The following GALNT13 variants were observed in gnomAD, a reference collection of about 807,000 sequenced individuals.
GALNT13 encodes UDP-GalNAc:polypeptide N-acetylgalactosaminyltransferase 13.
Under a neutral mutation model 64.2 loss-of-function variants are expected in GALNT13, and 28 were observed. The ratio of observed to expected loss-of-function variants is 0.44; its 90% CI spans 0.32 to 0.60. The LOEUF is 0.60. GALNT13 is among the 20% of genes least tolerant of loss of function. The pLI is 0.05. For missense variants in GALNT13, 577 were observed against 669.8 expected (o/e 0.86, Z 1.53); for synonymous variants, 214 against 224.6 (o/e 0.95, Z 0.42).
At chr2:154,245,127 A>ATAAC (rs1553502315) in intron 6 of GALNT13, among the ~76,000 whole-genome samples, 5 of 151,160 alleles carry the variant, frequency 3.3e-5, no homozygotes, top group Non-Finnish European at 7.4e-5. Context: ...AAATAAATAA[A>ATAAC]TAAATAAATA....
At chr2:154,257,099 T>C (rs557949335) in intron 7 of GALNT13, among the ~76,000 whole-genome samples, 1 of 152,286 alleles carries the variant, frequency 6.6e-6, no homozygotes, top group Non-Finnish European at 1.5e-5. Context: ...CAGGAGTATC[T>C]GTCTTCAGAA....
the GALNT13 span, among the ~76,000 whole-genome samples, chr2:153,275,636 CAT>C: frequency 6.7e-6 from 1 of 149,528 alleles, no homozygotes; most frequent in South Asian, 2.1e-4. Context: ...CTTTCTCTCT[CAT>C]GATTCAATAT....
chr2:153,373,195 T>A, the GALNT13 span, among the ~76,000 whole-genome samples: 1 of 151,820 alleles, frequency 6.6e-6, no homozygotes, highest in Non-Finnish European at 1.5e-5. Flanking sequence ...CTTTACTGTT[T>A]GTAGGCAATC....
the GALNT13 span, among the ~76,000 whole-genome samples, chr2:153,698,411 G>A: frequency 6.6e-6 from 1 of 151,688 alleles, no homozygotes; most frequent in Non-Finnish European, 1.5e-5. Context: ...AATTTACCAA[G>A]CAAATAGAAA....
the GALNT13 span, among the ~76,000 whole-genome samples, chr2:153,777,000 C>T: frequency 5.3e-5 from 8 of 152,154 alleles, no homozygotes; most frequent in Non-Finnish European, 8.8e-5. Flanking sequence ...TCTGGATGAA[C>T]TAAACATACC....
chr2:154,230,941 A>G (rs1260329933), intron 4 of GALNT13, among the ~76,000 whole-genome samples: 3 of 152,164 alleles, frequency 2.0e-5, no homozygotes, highest in Non-Finnish European at 4.4e-5. Flanking sequence ...GCATTTATTA[A>G]TAGGCTAAAT....
chr2:153,979,977 T>A (rs1430725743), intron 3 of GALNT13, among the ~76,000 whole-genome samples: 4 of 152,216 alleles, frequency 2.6e-5, no homozygotes, highest in African/African-American at 9.6e-5. Context: ...TGCTGTGATA[T>A]GAGAGTAATC....
intron 3 of GALNT13, among the ~76,000 whole-genome samples, chr2:153,950,105 AG>A (rs1326874060): frequency 1.3e-5 from 2 of 152,096 alleles, no homozygotes; most frequent in Non-Finnish European, 2.9e-5. Flanking sequence ...AACTTGAGAA[AG>A]TTAGTTCATT....
the GALNT13 span, among the ~76,000 whole-genome samples, chr2:153,293,765 GTGTGTGTGTGTGTGTGTGTGTGTGTGTC>G: frequency 2.1e-5 from 2 of 96,866 alleles, no homozygotes; most frequent in African/African-American, 3.5e-5. Flanking sequence ...TTCTGTTTGT[GTGTGTGTGTGTGTGTGTGTGTGTGTGTC>G]TGTGTGTGTG....
chr2:153,392,204 AT>A, the GALNT13 span, among the ~76,000 whole-genome samples: 2 of 151,240 alleles, frequency 1.3e-5, no homozygotes, highest in South Asian at 2.1e-4. Flanking sequence ...CTTTCTGTAA[AT>A]TTCACAAATA....
the GALNT13 span, among the ~76,000 whole-genome samples, chr2:153,736,100 AATG>A: frequency 2.2e-3 from 340 of 152,300 alleles, no homozygotes; most frequent in African/African-American, 6.9e-3. Flanking sequence ...ACAGTTGCCA[AATG>A]ATGATGATTC....
At chr2:153,841,047 A>T in the GALNT13 span, among the ~76,000 whole-genome samples, 33 of 152,286 alleles carry the variant, frequency 2.2e-4, 1 homozygote, top group African/African-American at 7.5e-4. Flanking sequence ...TCTGAAAAAA[A>T]TGTTAGAATC....
chr2:153,348,981 C>A, the GALNT13 span, among the ~76,000 whole-genome samples: 1 of 152,090 alleles, frequency 6.6e-6, no homozygotes, highest in Non-Finnish European at 1.5e-5. Context: ...TAGTTCTTTC[C>A]AGAGAATGAC....
chr2:154,163,027 A>T (rs1684825530), intron 4 of GALNT13, among the ~76,000 whole-genome samples: 1 of 150,826 alleles, frequency 6.6e-6, no homozygotes, highest in Non-Finnish European at 1.5e-5. Context: ...ACATGTGCAC[A>T]ATGTGCAGGT....
chr2:154,043,796 A>C (rs1699139097), intron 3 of GALNT13, among the ~76,000 whole-genome samples: 1 of 152,158 alleles, frequency 6.6e-6, no homozygotes, highest in Non-Finnish European at 1.5e-5. Flanking sequence ...ATATAAAAGG[A>C]AATAGCTGAG....
chr2:153,314,309 A>G, the GALNT13 span, among the ~76,000 whole-genome samples: 116 of 152,238 alleles, frequency 7.6e-4, no homozygotes, highest in South Asian at 0.01. Context: ...CAAACATAGC[A>G]TATTATGCAT....
chr2:153,609,311 A>G, the GALNT13 span, among the ~76,000 whole-genome samples: 1 of 152,028 alleles, frequency 6.6e-6, no homozygotes, highest in Admixed American at 6.6e-5. Flanking sequence ...CTGACAAAGG[A>G]CGTTTGTATC....
At chr2:154,370,388 A>G (rs956757328) in intron 9 of GALNT13, among the ~76,000 whole-genome samples, 2 of 152,204 alleles carry the variant, frequency 1.3e-5, no homozygotes, top group African/African-American at 2.4e-5. Flanking sequence ...AGGAAAAAGC[A>G]TAAACAGGAA....
At chr2:153,587,222 G>A in the GALNT13 span, among the ~76,000 whole-genome samples, 2 of 106,710 alleles carry the variant, frequency 1.9e-5, no homozygotes, top group African/African-American at 3.5e-5. Context: ...GACAGACTGA[G>A]ACTCTGTCTC....
Sources: allele counts gnomAD v4.1 joint callset (sites outside exome capture counted in the v4.1 genomes callset), GRCh38; gene constraint gnomAD v4.1.1; transcripts MANE v1.5; gene names NCBI Gene and HGNC (gene_info 2026-07-23, HGNC 2026-07-21).